Variants in CNTNAP2 observed in about 807,000 individuals in gnomAD.
CNTNAP2 encodes the protein contactin associated protein 2.
CNTNAP2 carries 98 observed loss-of-function variants against 155.2 expected under a neutral mutation model. The observed-to-expected ratio is 0.63, with a 90% CI of 0.54 to 0.75. CNTNAP2 has a LOEUF of 0.75. CNTNAP2 is among the 30% of genes least tolerant of loss of function. The pLI, the probability that CNTNAP2 is intolerant of heterozygous loss-of-function variation, is 0.00. For synonymous variants in CNTNAP2, 651 were observed against 631.2 expected, an observed-to-expected ratio of 1.03 and a Z score of -0.47; for missense variants, 1,727 against 1,688.1, an observed-to-expected ratio of 1.02 and a Z score of -0.40.
intron 9 of CNTNAP2, among the ~76,000 whole-genome samples, chr7:147,372,094 T>G (rs532433848): frequency 6.6e-6 from 1 of 152,214 alleles, no homozygotes; most frequent in African/African-American, 2.4e-5. Flanking sequence ...TTCGAATATT[T>G]TCCCTGCCTG....
At chr7:148,414,303 C>A (rs1382901526) in intron 23 of CNTNAP2, among the ~76,000 whole-genome samples, 1 of 152,124 alleles carries the variant, frequency 6.6e-6, no homozygotes, top group Non-Finnish European at 1.5e-5. Context: ...TGGTCTTAAA[C>A]TCCTGACCTC....
intron 1 of CNTNAP2, among the ~76,000 whole-genome samples, chr7:146,305,644 C>T (rs907420257): frequency 6.6e-6 from 1 of 152,042 alleles, no homozygotes; most frequent in Admixed American, 6.6e-5. Context: ...GAGGGGCACC[C>T]TACGAGGTCC....
chr7:147,062,777 T>C (rs770229155), intron 4 of CNTNAP2, among the ~76,000 whole-genome samples: 1 of 152,216 alleles, frequency 6.6e-6, no homozygotes, highest in Non-Finnish European at 1.5e-5. Context: ...GTACTTCCTA[T>C]ATTCTCAACT....
intron 3 of CNTNAP2, among the ~76,000 whole-genome samples, chr7:146,865,219 C>T (rs985032076): frequency 3.3e-5 from 5 of 151,752 alleles, no homozygotes; most frequent in African/African-American, 1.2e-4. Flanking sequence ...TAAATAATAG[C>T]TAACACAATG....
intron 8 of CNTNAP2, among the ~76,000 whole-genome samples, chr7:147,189,257 G>T (rs1461483627): frequency 6.6e-6 from 1 of 152,068 alleles, no homozygotes; most frequent in Non-Finnish European, 1.5e-5. Context: ...TGGCATAAAT[G>T]CAAATAATCA....
chr7:146,539,275 T>TA (rs1797916024), intron 1 of CNTNAP2, among the ~76,000 whole-genome samples: 1 of 152,060 alleles, frequency 6.6e-6, no homozygotes, highest in Non-Finnish European at 1.5e-5. Context: ...AAGCTGCTGG[T>TA]ACATGGGTTT....
At chr7:147,573,855 C>A (rs901195367) in intron 12 of CNTNAP2, among the ~76,000 whole-genome samples, 1 of 152,114 alleles carries the variant, frequency 6.6e-6, no homozygotes, top group East Asian at 1.9e-4. Context: ...TAATTTTACC[C>A]TCTAATGTGG....
intron 1 of CNTNAP2, among the ~76,000 whole-genome samples, chr7:146,342,291 C>T (rs1294350182): frequency 6.6e-6 from 1 of 152,090 alleles, no homozygotes; most frequent in Non-Finnish European, 1.5e-5. Flanking sequence ...TACCAACATA[C>T]TACAAGTTGA....
At chr7:146,758,191 C>A (rs150134521) in intron 1 of CNTNAP2, among the ~76,000 whole-genome samples, 1 of 152,154 alleles carries the variant, frequency 6.6e-6, no homozygotes, top group East Asian at 1.9e-4. Context: ...ACCCACCTGG[C>A]GTATTAATCA....
chr7:146,972,684 G>T (rs779656947), intron 3 of CNTNAP2, among the ~76,000 whole-genome samples: 1 of 152,148 alleles, frequency 6.6e-6, no homozygotes, highest in Admixed American at 6.5e-5. Flanking sequence ...CTTGAATCTT[G>T]TAGCTTAGTT....
intron 2 of CNTNAP2, among the ~76,000 whole-genome samples, chr7:146,785,305 A>G (rs949499427): frequency 6.6e-6 from 1 of 152,172 alleles, no homozygotes; most frequent in Non-Finnish European, 1.5e-5. Context: ...GAGAGTCTTT[A>G]GTATTTTTCA....
chr7:146,751,635 T>C (rs1476052775), intron 1 of CNTNAP2, among the ~76,000 whole-genome samples: 2 of 152,194 alleles, frequency 1.3e-5, no homozygotes, highest in Non-Finnish European at 2.9e-5. Flanking sequence ...TTACTCTAAG[T>C]TCTGGGATAC....
At chr7:147,135,029 A>T (rs1000237286) in intron 8 of CNTNAP2, among the ~76,000 whole-genome samples, 3 of 151,966 alleles carry the variant, frequency 2.0e-5, no homozygotes, top group Non-Finnish European at 4.4e-5. Flanking sequence ...TTTATTTAAT[A>T]AATTCCATGG....
At chr7:147,517,656 T>C (rs928695242) in intron 11 of CNTNAP2, among the ~76,000 whole-genome samples, 12 of 152,168 alleles carry the variant, frequency 7.9e-5, no homozygotes, top group African/African-American at 2.4e-4. Flanking sequence ...CATATGTAAA[T>C]AAGACTACAG....
intron 1 of CNTNAP2, among the ~76,000 whole-genome samples, chr7:146,148,787 A>C (rs1159395663): frequency 6.6e-6 from 1 of 152,190 alleles, no homozygotes; most frequent in Non-Finnish European, 1.5e-5. Flanking sequence ...AAAATCATTG[A>C]TAACATAATC....
intron 13 of CNTNAP2, among the ~76,000 whole-genome samples, chr7:147,694,815 C>T (rs567506063): frequency 6.6e-6 from 1 of 152,180 alleles, no homozygotes; most frequent in Admixed American, 6.6e-5. Flanking sequence ...CATCAATTTC[C>T]TGTTTCCAAT....
At chr7:147,902,928 A>G (rs563794243) in intron 13 of CNTNAP2, among the ~76,000 whole-genome samples, 5 of 152,172 alleles carry the variant, frequency 3.3e-5, no homozygotes, top group Non-Finnish European at 2.9e-5. Flanking sequence ...TTGTGCTGCT[A>G]TAAACACATG....
chr7:146,457,503 T>G (rs1796573524), intron 1 of CNTNAP2, among the ~76,000 whole-genome samples: 1 of 8,608 alleles, frequency 1.2e-4, no homozygotes, highest in African/African-American at 3.6e-4. Context: ...TATATATATA[T>G]ATATATATAT....
chr7:147,504,769 A>G (rs192698068), intron 11 of CNTNAP2, among the ~76,000 whole-genome samples: 42 of 151,348 alleles, frequency 2.8e-4, no homozygotes, highest in Admixed American at 1.7e-3. Flanking sequence ...ACATTAATAT[A>G]AATTATATCG....
Sources: allele counts gnomAD v4.1 joint callset (sites outside exome capture counted in the v4.1 genomes callset), GRCh38; gene constraint gnomAD v4.1.1; transcripts MANE v1.5; gene names NCBI Gene and HGNC (gene_info 2026-07-23, HGNC 2026-07-21).